The following EYS variants were observed in gnomAD, a reference collection of about 807,000 sequenced individuals.
EYS encodes protein eyes shut homolog.
In EYS, 250 loss-of-function variants were observed where a neutral mutation model predicts 282.1. The observed-to-expected ratio is 0.89, with a 90% CI of 0.80 to 0.98. The LOEUF (loss-of-function observed/expected upper bound fraction) is 0.98. Among genes scored for constraint, EYS ranks in the 50% least tolerant of loss-of-function variants. EYS has a pLI of 0.00. For missense variants in EYS, 4,016 were observed against 3,709.0 expected, an observed-to-expected ratio of 1.08 and a Z score of -2.15; for synonymous variants, 1,355 against 1,282.9, an observed-to-expected ratio of 1.06 and a Z score of -1.20.
In EYS at chr6:63,813,883, G is replaced by A. The variant is rs749557737; in HGVS notation, c.7229-7511C>T. The stretch of plus-strand genomic sequence containing the variant: ...CAACCATCATGTTCAGCAGTGTAGC[G>A]TATCTTGAAATACACATTTAACTTT... On this transcript the variant is annotated intron_variant, in intron 36 of 42. Transcript: ENST00000503581. Among the ~76,000 whole-genome samples, 8 of 152,214 alleles carry A rather than the reference G, an allele frequency of 5.3e-5. No homozygotes were observed. The South Asian group carries it at 1.2e-3, about 24-fold the overall frequency.
At chr6:64,780,042 C>G (rs1368925595) in intron 22 of EYS, among the ~76,000 whole-genome samples, 1 of 152,144 alleles carries the variant, frequency 6.6e-6, no homozygotes, top group Non-Finnish European at 1.5e-5. Context: ...AGAATGAACA[C>G]AATCCAGGGC....
chr6:65,670,803 A>C (rs939594288), intron 1 of EYS, among the ~76,000 whole-genome samples: 7 of 152,116 alleles, frequency 4.6e-5, no homozygotes, highest in Admixed American at 6.6e-5. Flanking sequence ...ATATTTAAAA[A>C]CATTTATTTA....
At chr6:64,598,595 C>T (rs1184659404) in intron 24 of EYS, among the ~76,000 whole-genome samples, 1 of 152,174 alleles carries the variant, frequency 6.6e-6, no homozygotes, top group African/African-American at 2.4e-5. Context: ...ATAAGATCTT[C>T]TGAATTAGAG....
At chr6:64,508,746 T>G (rs1006786398) in intron 26 of EYS, among the ~76,000 whole-genome samples, 1 of 151,944 alleles carries the variant, frequency 6.6e-6, no homozygotes, top group African/African-American at 2.4e-5. Context: ...CATTAAAGCT[T>G]AAGTGATCAC....
intron 26 of EYS, among the ~76,000 whole-genome samples, chr6:64,451,500 C>A (rs949563503): frequency 1.3e-5 from 2 of 152,192 alleles, no homozygotes; most frequent in East Asian, 3.9e-4. Flanking sequence ...TCCTCCCTAA[C>A]TCATTTTATG....
At chr6:64,385,016 C>A (rs940494721) in intron 29 of EYS, among the ~76,000 whole-genome samples, 5 of 152,108 alleles carry the variant, frequency 3.3e-5, no homozygotes, top group African/African-American at 1.2e-4. Flanking sequence ...AACTATAGTT[C>A]TTTTCCTTAG....
intron 1 of EYS, among the ~76,000 whole-genome samples, chr6:65,652,494 A>G (rs1301913817): frequency 6.6e-6 from 1 of 151,948 alleles, no homozygotes; most frequent in African/African-American, 2.4e-5. Context: ...CACTTTTTTC[A>G]TATTTTGAAA....
At chr6:65,204,032 G>T (rs1268994032) in intron 12 of EYS, among the ~76,000 whole-genome samples, 1 of 151,930 alleles carries the variant, frequency 6.6e-6, no homozygotes, top group Non-Finnish European at 1.5e-5. Flanking sequence ...AAGGATTTCA[G>T]AAAGCAAACA....
At chr6:65,155,298 G>C (rs1457152425) in intron 12 of EYS, among the ~76,000 whole-genome samples, 1 of 151,360 alleles carries the variant, frequency 6.6e-6, no homozygotes, top group African/African-American at 2.4e-5. Flanking sequence ...GATTCTAATG[G>C]AATTAGATGA....
intron 11 of EYS, chr6:65,303,849 CAGT>C: frequency 3.3e-6 from 2 of 605,388 alleles, no homozygotes; most frequent in Non-Finnish European, 5.7e-6. Context: ...ATTAAAAAAA[CAGT>C]AGTTTTGCCA....
In EYS at chr6:65,494,366, C is replaced by T. The variant is rs573840076; in HGVS notation, c.748+297G>A. On this transcript the variant is annotated intron_variant, in intron 4 of 42. Coordinates refer to ENST00000503581, the MANE Select transcript of EYS (RefSeq NM_001142800.2). ...TATGTCGGCTCACTGCAAGCTCCACCTCCCGGGTTCACCCCATTCTCCTGC... is the reference window on the plus strand; with the variant it reads ...TATGTCGGCTCACTGCAAGCTCCACTTCCCGGGTTCACCCCATTCTCCTGC... Among the ~76,000 whole-genome samples the T allele has an allele frequency of 2.0e-3, 310 of 152,140 alleles. 3 individuals are homozygous for T. The highest frequency in any genetic ancestry group is 7.4e-3 in the African/African-American group (307 of 41,558).
At chr6:64,980,515 A>G (rs1198464568) in intron 14 of EYS, among the ~76,000 whole-genome samples, 1 of 151,510 alleles carries the variant, frequency 6.6e-6, no homozygotes. Flanking sequence ...TTCTATAAAT[A>G]GCAGCTGCAT....
At chr6:65,230,428 C>T (rs2639696) in intron 12 of EYS, among the ~76,000 whole-genome samples, 101,041 of 151,646 alleles carry the variant, frequency 0.67, 34,944 homozygotes, top group East Asian at 0.89. Flanking sequence ...ATTATTCATG[C>T]ATACAATTAG....
At chr6:64,404,566 T>C (rs1418651140) in intron 28 of EYS, among the ~76,000 whole-genome samples, 1 of 152,302 alleles carries the variant, frequency 6.6e-6, no homozygotes, top group East Asian at 1.9e-4. Context: ...CTACCACGTG[T>C]CAGGCAAGAC....
chr6:65,482,525 A>G (rs1385628039), intron 5 of EYS, among the ~76,000 whole-genome samples: 4 of 152,230 alleles, frequency 2.6e-5, no homozygotes, highest in African/African-American at 7.2e-5. Flanking sequence ...GAAGAAAGTT[A>G]TATCTGATTT....
chr6:64,033,113 C>A (rs1769939210), intron 33 of EYS, among the ~76,000 whole-genome samples: 1 of 152,166 alleles, frequency 6.6e-6, no homozygotes, highest in African/African-American at 2.4e-5. Flanking sequence ...GAGACAGAAA[C>A]CACATTTAGA....
intron 11 of EYS, among the ~76,000 whole-genome samples, chr6:65,316,489 T>A (rs1287300183): frequency 2.7e-5 from 4 of 149,870 alleles, no homozygotes; most frequent in South Asian, 2.1e-4. Context: ...TTTAAAAAAA[T>A]TATTTTTATA....
At chr6:64,290,577 G>C (rs1768667880) in intron 30 of EYS, among the ~76,000 whole-genome samples, 1 of 151,788 alleles carries the variant, frequency 6.6e-6, no homozygotes. Flanking sequence ...GTCTAATGCT[G>C]GTGGTTATAT....
chr6:65,395,360 G>A (rs1233505109), intron 7 of EYS, among the ~76,000 whole-genome samples: 3 of 152,194 alleles, frequency 2.0e-5, no homozygotes, highest in African/African-American at 7.2e-5. Context: ...ACTGCGCCCA[G>A]CAATCTCAAC....
Sources: allele counts gnomAD v4.1 joint callset (sites outside exome capture counted in the v4.1 genomes callset), GRCh38; gene constraint gnomAD v4.1.1; transcripts MANE v1.5; gene names NCBI Gene and HGNC (gene_info 2026-07-23, HGNC 2026-07-21).